CACNA1G: variants seen among roughly 807,000 people sequenced by gnomAD.
CACNA1G encodes the protein voltage-dependent T-type calcium channel subunit alpha-1G.
In CACNA1G, 67 loss-of-function variants were observed where a neutral mutation model predicts 219.4. That is an observed-to-expected ratio of 0.31 (90% confidence interval 0.25 to 0.37). CACNA1G has a LOEUF of 0.37. CACNA1G is among the 10% of genes least tolerant of loss of function. The pLI, the probability that CACNA1G is intolerant of heterozygous loss-of-function variation, is 1.00. For synonymous variants in CACNA1G, 1,296 were observed against 1,345.3 expected (o/e 0.96, Z 0.80); for missense variants, 2,380 against 3,231.4 (o/e 0.74, Z 6.39).
At position 50,607,971 on chromosome 17, in the gene CACNA1G, C is replaced by G. The variant is rs1280758772; in HGVS notation, c.4657C>G (p.Arg1553Gly). ...GCAGCACCAGGAGGAAGAGGAGGCCCGGCGGCGGGAGGAGAAGCGCCTACG... is the reference window on the plus strand; with the variant it reads ...GCAGCACCAGGAGGAAGAGGAGGCCGGGCGGCGGGAGGAGAAGCGCCTACG... ...CRQHQEEEEARRREEKRLRRL... is the reference protein window; with the variant it reads ...CRQHQEEEEAGRREEKRLRRL... The change falls in exon 25 of 38, where the codon CGG becomes GGG. Residue 1553 changes from arginine (R) to glycine (G), a missense_variant. Arg to Gly is a moderately radical substitution (Grantham distance 125). Coordinates refer to ENST00000359106, the MANE Select transcript of CACNA1G (RefSeq NM_018896.5). 1 of 1,613,522 alleles carries G rather than the reference C, an allele frequency of 6.2e-7. No individual in the cohort carries two copies. The highest frequency in any genetic ancestry group is 2.2e-5 in the East Asian group (1 of 44,872).
intron 20 of CACNA1G, 42 bp downstream of exon 20, chr17:50,602,930 TG>T (rs2047058961): frequency 6.8e-7 from 1 of 1,473,776 alleles, no homozygotes; most frequent in Non-Finnish European, 9.2e-7. Flanking sequence ...TGGTTCCTGG[TG>T]GGGGTGGAGA....
intron 26 of CACNA1G, 49 bp downstream of exon 26, chr17:50,609,984 C>T: frequency 1.3e-6 from 2 of 1,553,774 alleles, no homozygotes; most frequent in Non-Finnish European, 1.8e-6. Flanking sequence ...ATGCTCTTCA[C>T]TCCCTCCCCG....
intron 1 of CACNA1G, among the ~76,000 whole-genome samples, chr17:50,562,694 A>G (rs1002424884): frequency 6.6e-6 from 1 of 152,148 alleles, no homozygotes; most frequent in African/African-American, 2.4e-5. Context: ...GAAAGTCTTG[A>G]GGGGACAGTA....
rs892911034 is a variant in CACNA1G at position 50,599,424 on chromosome 17, A to G, written c.3259-4A>G. 6.5e-6 allele frequency: 10 copies of G among 1,536,756 alleles called. No individual in the cohort carries two copies. The highest frequency in any genetic ancestry group is 8.8e-6 in the Non-Finnish European group (10 of 1,141,022). On this transcript the variant is annotated splice_polypyrimidine_tract_variant and splice_region_variant and intron_variant, in intron 16 of 37. Transcript: ENST00000359106. ...GAGACCACTCCTCCCCTGCTCACCC[A>G]CAGCCCAGCGCCCGCAGCTCTCCGC...
At position 50,626,780 on chromosome 17, in the gene CACNA1G, C is replaced by T. The variant is rs201658482; in HGVS notation, c.*29C>T. On this transcript the variant is annotated 3_prime_UTR_variant, in exon 38 of 38. Transcript: ENST00000359106. The surrounding 1 kb of genome is among the most constrained non-coding windows in gnomAD (Gnocchi z 4.3). ...CTGCCCCACTTTCCCACTCACCTTT[C>T]TCCACTGGGTGCCAAGTCCTAGCTC... The T allele has an allele frequency of 2.4e-4, 389 of 1,612,856 alleles. 1 individual carries two copies. The highest frequency in any genetic ancestry group is 8.2e-4 in the Middle Eastern group (5 of 6,062).
chr17:50,620,478 A>C (rs1251733770), intron 34 of CACNA1G, among the ~76,000 whole-genome samples: 2 of 152,130 alleles, frequency 1.3e-5, no homozygotes, highest in Non-Finnish European at 2.9e-5. Flanking sequence ...CCTCTCCCCC[A>C]GTCCCATTTA....
rs912619192 is a variant in CACNA1G, at chr17:50,560,726, T to G, written c.-734T>G. On this transcript the variant is annotated 5_prime_UTR_variant, in exon 1 of 38. Transcript: ENST00000359106. Reference sequence around the variant, plus strand: ...GATCCAGCTGTGGTGTGCGCGGGGCTCCTCGCCGCCGCTTTCGCTCGCTCG... The same window carrying G: ...GATCCAGCTGTGGTGTGCGCGGGGCGCCTCGCCGCCGCTTTCGCTCGCTCG... Among the ~76,000 whole-genome samples the G allele has an allele frequency of 6.6e-6, 1 of 152,100 alleles. No homozygotes were observed. Among genetic ancestry groups the G allele is most frequent in the Non-Finnish European group, 1.5e-5 (1 of 67,996 alleles).
intron 27 of CACNA1G, 100 bp from the exon 28 acceptor site, chr17:50,616,175 C>A: frequency 7.3e-6 from 5 of 688,268 alleles, no homozygotes; most frequent in East Asian, 5.2e-5. Context: ...CCTTGGAGTT[C>A]CCCTGCCTCT....
intron 25 of CACNA1G, among the ~76,000 whole-genome samples, chr17:50,609,306 T>G (rs911346419): frequency 6.6e-6 from 1 of 152,124 alleles, no homozygotes; most frequent in Admixed American, 6.5e-5. Context: ...GACACTGGCC[T>G]CTGGGCAGCA....
chr17:50,625,765 G>T (rs1303568806), intron 37 of CACNA1G, among the ~76,000 whole-genome samples: 1 of 152,188 alleles, frequency 6.6e-6, no homozygotes, highest in African/African-American at 2.4e-5. Flanking sequence ...AGCGATTCTT[G>T]CAGGCTTAGG....
chr17:50,615,655 A>G, intron 27 of CACNA1G, 143 bp downstream of exon 27: 1 of 823,668 alleles, frequency 1.2e-6, no homozygotes, highest in Non-Finnish European at 1.8e-6. Flanking sequence ...TGCCCCTTGG[A>G]GGTGGGTATC....
At chr17:50,625,331 A>G (rs931841098) in intron 37 of CACNA1G, among the ~76,000 whole-genome samples, 6 of 152,242 alleles carry the variant, frequency 3.9e-5, no homozygotes, top group African/African-American at 1.4e-4. Context: ...TGAGAATCTC[A>G]ATCCCACATG....
intron 9 of CACNA1G, among the ~76,000 whole-genome samples, chr17:50,582,254 C>T (rs1313469644): frequency 6.6e-6 from 1 of 152,138 alleles, no homozygotes; most frequent in African/African-American, 2.4e-5. Flanking sequence ...TGGGCTGAGT[C>T]TGAAGGAAGA....
At chr17:50,572,255 G>A (rs532827283) in intron 5 of CACNA1G, among the ~76,000 whole-genome samples, 197 of 152,214 alleles carry the variant, frequency 1.3e-3, no homozygotes, top group African/African-American at 4.3e-3. Flanking sequence ...ATTGCTCTGG[G>A]GCTCAGCTTG....
In CACNA1G at chr17:50,578,230, A is replaced by C; in HGVS notation, c.1967A>C (p.Lys656Thr). 6.2e-7 allele frequency: 1 copy of C among 1,603,524 alleles called. No homozygotes were observed. ...TGCAAGATCTCCAGCCCTTGCTTGAAAGCAGACAGTGGAGCCTGTGGTCCA... is the reference window on the plus strand; with the variant it reads ...TGCAAGATCTCCAGCCCTTGCTTGACAGCAGACAGTGGAGCCTGTGGTCCA... ...SSCKISSPCL[K>T]ADSGACGPDS... Residue 656 changes from lysine (K) to threonine (T), a missense_variant, in exon 9 of 38, where the codon AAA becomes ACA. Physicochemically the swap from Lys to Thr is moderately conservative, Grantham distance 78. Transcript: ENST00000359106. This position sits in a 1 kb window ranked among gnomAD's most constrained non-coding sequence, Gnocchi z 4.5.
chr17:50,577,948 C>A (rs916506024), intron 8 of CACNA1G, among the ~76,000 whole-genome samples: 1 of 152,102 alleles, frequency 6.6e-6, no homozygotes, highest in Non-Finnish European at 1.5e-5. Flanking sequence ...TCCAGGCCAC[C>A]TCTCTGAGCC....
rs780195402 is a variant in CACNA1G, at chr17:50,599,909, G to A, written c.3690+50G>A. 1.6e-5 allele frequency: 25 copies of A among 1,556,892 alleles called. No individual in the cohort carries two copies. The South Asian group carries it at 2.5e-4, about 16-fold the overall frequency. On this transcript the variant is annotated intron_variant, in intron 17 of 37. Coordinates refer to ENST00000359106, the MANE Select transcript of CACNA1G (RefSeq NM_018896.5). ...CCCCTCACCCCTGACCTTGAAAGAG[G>A]GGAGGTGTGCCTGGCCTGGCAGGGT...
chr17:50,565,388 G>GT lies in CACNA1G; in HGVS notation c.243-3482_243-3481insT, dbSNP rs761935951. Among the ~76,000 whole-genome samples, 198 of 140,254 alleles carry GT rather than the reference G, an allele frequency of 1.4e-3. 2 individuals are homozygous for GT. The highest frequency in any genetic ancestry group is 2.4e-3 in the Non-Finnish European group (154 of 64,894). 92.0% of individuals were successfully genotyped at this position (140,254 alleles called of 152,430 possible). A position where few individuals can be genotyped will look rare whatever the true frequency, so the allele number is the denominator to read the frequency against. On this transcript the variant is annotated intron_variant, in intron 1 of 37. Transcript: ENST00000359106. ...GGGAAATAGGCTTGTGGGGTGGGGC[G>GT]GGGGGTTCTGCTGGGGGAATCCCCC...
At chr17:50,610,853 G>A (rs867849861) in intron 26 of CACNA1G, among the ~76,000 whole-genome samples, 1 of 152,144 alleles carries the variant, frequency 6.6e-6, no homozygotes, top group African/African-American at 2.4e-5. Context: ...GCTGCAGAAG[G>A]TTACACACTA....
Sources: gnomAD v4.1 joint callset for allele counts (sites outside exome capture counted in the v4.1 genomes callset) on GRCh38, gnomAD v4.1.1 for gene constraint, Gnocchi (gnomAD v3.1) non-coding constraint, MANE v1.5 for transcripts, NCBI Gene and HGNC (gene_info 2026-07-23, HGNC 2026-07-21) for gene names.